Variants in RSPH14 observed in about 807,000 individuals in gnomAD.
The protein encoded by RSPH14 is rhabdoid tumor deletion region gene 1.
A neutral mutation model predicts 26.7 loss-of-function variants in RSPH14; 20 were observed. The observed-to-expected ratio is 0.75, with a 90% CI of 0.53 to 1.09. The LOEUF is 1.09. RSPH14 is among the 50% of genes least tolerant of loss of function. The pLI, the probability that RSPH14 is intolerant of heterozygous loss-of-function variation, is 0.00. For synonymous variants in RSPH14, 177 were observed against 189.3 expected, an observed-to-expected ratio of 0.93 and a Z score of 0.53; for missense variants, 449 against 457.2, an observed-to-expected ratio of 0.98 and a Z score of 0.16.
At chr22:23,123,015 C>A in intron 4 of RSPH14, 2 of 987,436 alleles carry the variant, frequency 2.0e-6, no homozygotes, top group South Asian at 1.4e-5. Context: ...CTTCCTCTGG[C>A]AGGGCTGCAG....
chr22:23,131,939 G>A (rs1400091515), intron 4 of RSPH14, among the ~76,000 whole-genome samples: 7 of 152,164 alleles, frequency 4.6e-5, no homozygotes, highest in Admixed American at 4.6e-4. Flanking sequence ...AAGAAGATGT[G>A]CTTCAGGAGC....
chr22:23,092,194 T>C lies in RSPH14; in HGVS notation c.422-28061A>G, dbSNP rs2068999197. Among the ~76,000 whole-genome samples the C allele has an allele frequency of 1.3e-5, 2 of 152,174 alleles. 1 individual carries two copies. The highest frequency in any genetic ancestry group is 2.9e-5 in the Non-Finnish European group (2 of 68,026). On this transcript the variant is annotated intron_variant, in intron 4 of 6. Transcript: ENST00000216036. ...TCCTGGGACTTGGGGAGTCCTAGCA[T>C]GTCCAGTAAAGCCCGGGTTAGACTC...
At chr22:23,095,683 C>A in intron 4 of RSPH14, 1 of 1,593,320 alleles carries the variant, frequency 6.3e-7, no homozygotes, top group Non-Finnish European at 8.5e-7. Flanking sequence ...TCTGGGCCCG[C>A]TGCTGCCAGA....
rs17853740 is a variant in RSPH14, at chr22:23,096,382, C to T, written c.422-32249G>A. The T allele has an allele frequency of 3.3e-3, 5,380 of 1,611,652 alleles. 10 individuals are homozygous for T. The highest frequency in any genetic ancestry group is 5.0e-3 in the Middle Eastern group (30 of 6,060). Reference sequence around the variant, plus strand: ...CCATCATCTTCTGTGTGGAGCTCAGCGGCTACGACCTGAAACTCTACGAGG... The same window carrying T: ...CCATCATCTTCTGTGTGGAGCTCAGTGGCTACGACCTGAAACTCTACGAGG... On this transcript the variant is annotated intron_variant, in intron 4 of 6. Transcript: ENST00000216036.
At chr22:23,088,258 A>G (rs1250640745) in intron 4 of RSPH14, among the ~76,000 whole-genome samples, 1 of 152,226 alleles carries the variant, frequency 6.6e-6, no homozygotes, top group African/African-American at 2.4e-5. Context: ...AGGGTACCCC[A>G]GTGCGTTTCC....
chr22:23,123,359 C>T (rs535604738), intron 4 of RSPH14: 2 of 1,614,080 alleles, frequency 1.2e-6, no homozygotes, highest in African/African-American at 1.3e-5. Flanking sequence ...ACACCAGTAA[C>T]ATCCAGTTTG....
chr22:23,126,009 G>A (rs571875854), intron 4 of RSPH14, among the ~76,000 whole-genome samples: 14 of 152,346 alleles, frequency 9.2e-5, no homozygotes, highest in Non-Finnish European at 1.8e-4. Flanking sequence ...AGCCCACGCA[G>A]GGACTCCCTT....
At chr22:23,171,572 G>T in the RSPH14 span, among the ~76,000 whole-genome samples, 6 of 152,106 alleles carry the variant, frequency 3.9e-5, no homozygotes, top group South Asian at 1.0e-3. Flanking sequence ...TGCTGAGCGC[G>T]GTGGCTCACA....
At chr22:23,086,623 A>C (rs1989778) in intron 4 of RSPH14, among the ~76,000 whole-genome samples, 53,030 of 152,110 alleles carry the variant, frequency 0.35, 10,170 homozygotes, top group African/African-American at 0.52. Flanking sequence ...TTCCCTGAGA[A>C]AGACCCTCCC....
intron 4 of RSPH14, chr22:23,122,377 C>T (rs2070056066): frequency 6.5e-6 from 1 of 152,930 alleles, no homozygotes; most frequent in African/African-American, 2.4e-5. Context: ...AGAGCTCTGT[C>T]CAGGATGCCA....
intron 4 of RSPH14, among the ~76,000 whole-genome samples, chr22:23,130,873 G>C (rs5996469): frequency 6.6e-6 from 1 of 152,222 alleles, no homozygotes; most frequent in Non-Finnish European, 1.5e-5. Flanking sequence ...GATATGCCCC[G>C]GGCTCTCTGG....
intron 4 of RSPH14, among the ~76,000 whole-genome samples, chr22:23,099,093 T>A (rs958987381): frequency 2.0e-4 from 31 of 152,222 alleles, no homozygotes; most frequent in African/African-American, 7.5e-4. Context: ...GGCCTCATCT[T>A]CCCTGATGCT....
chr22:23,172,989 T>G, the RSPH14 span, among the ~76,000 whole-genome samples: 2 of 100,592 alleles, frequency 2.0e-5, no homozygotes, highest in Non-Finnish European at 3.9e-5. Flanking sequence ...AATCATACAG[T>G]ATGTAGCCTT....
chr22:23,119,788 T>C (rs2069959161), intron 4 of RSPH14, among the ~76,000 whole-genome samples: 1 of 152,220 alleles, frequency 6.6e-6, no homozygotes, highest in Admixed American at 6.5e-5. Context: ...TCCTGCAGGC[T>C]TTCCTGACTC....
chr22:23,173,800 T>C, the RSPH14 span, among the ~76,000 whole-genome samples: 1 of 151,960 alleles, frequency 6.6e-6, no homozygotes, highest in South Asian at 2.1e-4. Context: ...GTCCATCTCC[T>C]GGGTTCCAGC....
chr22:23,096,671 C>G (rs756096656), intron 4 of RSPH14, among the ~76,000 whole-genome samples: 1 of 152,150 alleles, frequency 6.6e-6, no homozygotes, highest in Non-Finnish European at 1.5e-5. Context: ...TGTGAGGCTC[C>G]GCCGGGCATC....
the RSPH14 span, among the ~76,000 whole-genome samples, chr22:23,176,799 T>C: frequency 6.6e-6 from 1 of 152,036 alleles, no homozygotes; most frequent in Non-Finnish European, 1.5e-5. Context: ...CGCCCAACCT[T>C]CCATGCAACA....
chr22:23,147,482 T>A (rs2070855938), upstream of RSPH14, among the ~76,000 whole-genome samples: 1 of 152,078 alleles, frequency 6.6e-6, no homozygotes, highest in South Asian at 2.1e-4. Flanking sequence ...AGGCATGTGC[T>A]ACCATGCCTG....
At chr22:23,131,806 T>C in intron 4 of RSPH14, 3 of 464,858 alleles carry the variant, frequency 6.5e-6, no homozygotes, top group Non-Finnish European at 1.3e-5. Flanking sequence ...TTTTCAGAAA[T>C]ATGTGTGCAG....
Sources: allele counts gnomAD v4.1 joint callset (sites outside exome capture counted in the v4.1 genomes callset), GRCh38; gene constraint gnomAD v4.1.1; transcripts MANE v1.5; gene names NCBI Gene and HGNC (gene_info 2026-07-23, HGNC 2026-07-21).